The following DEPDC5 variants were observed in gnomAD, a reference collection of about 807,000 sequenced individuals.
DEPDC5 encodes the protein GATOR1 complex protein DEPDC5.
A neutral mutation model predicts 217.3 loss-of-function variants in DEPDC5; 73 were observed. The ratio of observed to expected loss-of-function variants is 0.34; its 90% CI spans 0.28 to 0.41. The LOEUF (loss-of-function observed/expected upper bound fraction) is 0.41, where lower values mean the gene tolerates loss of function less well. DEPDC5 is among the 10% of genes least tolerant of loss of function. The pLI is 1.00. For synonymous variants in DEPDC5, 733 were observed against 756.7 expected (o/e 0.97, Z 0.51); for missense variants, 1,675 against 2,070.1 (o/e 0.81, Z 3.70).
Position 31,843,675 on chromosome 22 carries a change from C to T in DEPDC5, c.2664C>T (p.Tyr888=), listed in dbSNP as rs2091536064. 2 of 1,610,874 alleles carry T rather than the reference C, an allele frequency of 1.2e-6. No homozygotes were observed. The highest frequency in any genetic ancestry group is 1.7e-6 in the Non-Finnish European group (2 of 1,177,420). ...KYPYESAQIH[Y]TYSLCPSHSD... ...CTTATGAATCTGCCCAGATCCACTA[C>T]ACCTACAGCCTCTGTCCTTCCCACT... Residue 888 remains tyrosine (Y), a synonymous_variant, in exon 29 of 43, where the codon TAC becomes TAT. Coordinates refer to ENST00000651528, the MANE Select transcript of DEPDC5 (RefSeq NM_001242896.3).
chr22:31,797,846 A>G, intron 13 of DEPDC5, 143 bp downstream of exon 13: 1 of 670,240 alleles, frequency 1.5e-6, no homozygotes. Context: ...TTCCAGTTGG[A>G]TCCAATTGTA....
intron 24 of DEPDC5, among the ~76,000 whole-genome samples, chr22:31,823,603 A>G (rs2089905184): frequency 2.0e-5 from 3 of 151,510 alleles, no homozygotes; most frequent in Admixed American, 1.3e-4. Flanking sequence ...TTGGTTAGGT[A>G]GACAGTTAGA....
rs1156343285 is a variant in DEPDC5 at position 31,843,759 on chromosome 22, C to T, written c.2748C>T (p.Tyr916=). The change falls in exon 29 of 43, where the codon TAC becomes TAT. Residue 916 remains tyrosine (Y), a synonymous_variant. Transcript: ENST00000651528. Reference sequence around the variant, plus strand: ...TCTCCCACGAACGGCTGGAGGAGTACAAGTGGAATTACTTAGATCAGTATA... The same window carrying T: ...TCTCCCACGAACGGCTGGAGGAGTATAAGTGGAATTACTTAGATCAGTATA... ...VEFSHERLEE[Y]KWNYLDQYIC... 6.2e-7 allele frequency: 1 copy of T among 1,613,982 alleles called. No homozygotes were observed. Among genetic ancestry groups the T allele is most frequent in the Non-Finnish European group, 8.5e-7 (1 of 1,179,922 alleles).
chr22:31,794,522 G>A (rs1367766058), intron 12 of DEPDC5, among the ~76,000 whole-genome samples: 5 of 152,100 alleles, frequency 3.3e-5, no homozygotes, highest in South Asian at 4.2e-4. Context: ...CATCCTCAAC[G>A]TTTTTTAGAT....
At chr22:31,862,302 C>T (rs9621353) in intron 33 of DEPDC5, among the ~76,000 whole-genome samples, 7,990 of 152,128 alleles carry the variant, frequency 0.053, 648 homozygotes, top group African/African-American at 0.18. Context: ...CAGTGGCTCA[C>T]GCCTGTAATC....
intron 15 of DEPDC5, among the ~76,000 whole-genome samples, chr22:31,803,372 G>A (rs954339571): frequency 6.6e-6 from 1 of 151,914 alleles, no homozygotes; most frequent in Non-Finnish European, 1.5e-5. Context: ...CACCATGCCC[G>A]GCTAATTTTT....
chr22:31,808,621 A>G (rs1262248692), intron 18 of DEPDC5, among the ~76,000 whole-genome samples: 2 of 151,722 alleles, frequency 1.3e-5, no homozygotes, highest in African/African-American at 4.8e-5. Flanking sequence ...TTTTTAGTAG[A>G]GACGAGGTTT....
chr22:31,893,508 T>C (rs1933738611), intron 38 of DEPDC5, 74 bp from the exon 39 acceptor site: 1 of 1,386,670 alleles, frequency 7.2e-7, no homozygotes, highest in East Asian at 2.6e-5. Context: ...CATATCTGGA[T>C]ACTTAGTTAT....
Position 31,819,404 on chromosome 22 carries a change from G to A in DEPDC5, c.1870+179G>A, listed in dbSNP as rs532016850. On this transcript the variant is annotated intron_variant, in intron 22 of 42. Transcript: ENST00000651528. ...TAAAGATCCTTGAAGATGCACTTGG[G>A]AATAGGCTTTGTAACTAATTAGCTG... is the stretch of plus-strand genomic sequence containing the variant. Among the ~76,000 whole-genome samples the A allele has an allele frequency of 1.9e-4, 29 of 151,996 alleles. 1 individual carries two copies. Among genetic ancestry groups the A allele is most frequent in the Admixed American group, 1.7e-3 (26 of 15,276 alleles).
intron 27 of DEPDC5, among the ~76,000 whole-genome samples, chr22:31,840,163 C>T (rs16989540): frequency 0.073 from 11,134 of 152,076 alleles, 464 homozygotes; most frequent in Admixed American, 0.11. Flanking sequence ...GCTGTCAGAA[C>T]ATTTAATATG....
Position 31,763,431 on chromosome 22 carries a change from C to CT in DEPDC5, c.194-1532dup, listed in dbSNP as rs897703960. On this transcript the variant is annotated intron_variant, in intron 4 of 42. Coordinates refer to ENST00000651528, the MANE Select transcript of DEPDC5 (RefSeq NM_001242896.3). ...TGAGCCACTGCACCATTGCCCCTGCCTTTTTTTTTTTTCTTTTTCCCTTTC... is the reference window on the plus strand; with the variant it reads ...TGAGCCACTGCACCATTGCCCCTGCCTTTTTTTTTTTTTCTTTTTCCCTTTC... 9.8e-4 allele frequency among the ~76,000 whole-genome samples: 142 copies of CT among 144,936 alleles called. 1 individual carries two copies. The highest frequency in any genetic ancestry group is 1.1e-3 in the Admixed American group (16 of 14,382).
At chr22:31,768,791 C>A in intron 6 of DEPDC5, 23 bp from the exon 7 acceptor site, 1 of 1,584,762 alleles carries the variant, frequency 6.3e-7, no homozygotes, top group Non-Finnish European at 8.7e-7. Flanking sequence ...CCTCTCTCTA[C>A]CCCTCTCTCC....
rs775219684 is a variant in DEPDC5, at chr22:31,876,122, C to T, written c.3697-35C>T. On this transcript the variant is annotated intron_variant, in intron 36 of 42. Transcript: ENST00000651528. Reference sequence around the variant, plus strand: ...AGGGCTGCCCCTTCAAGATGCCTCTCTGCAGGAATTTCAGAGTTTCAATGT... The same window carrying T: ...AGGGCTGCCCCTTCAAGATGCCTCTTTGCAGGAATTTCAGAGTTTCAATGT... 61 of 1,604,176 alleles carry T rather than the reference C, an allele frequency of 3.8e-5. 1 individual carries two copies. In the Admixed American group the frequency reaches 7.8e-4, roughly 21 times the overall value.
chr22:31,813,349 G>A (rs2088660417), intron 20 of DEPDC5, among the ~76,000 whole-genome samples: 2 of 152,188 alleles, frequency 1.3e-5, no homozygotes, highest in Non-Finnish European at 2.9e-5. Context: ...TGGTACCCAG[G>A]TTGTGTGGTC....
At chr22:31,806,678 A>T (rs141355945) in intron 18 of DEPDC5, among the ~76,000 whole-genome samples, 1 of 152,316 alleles carries the variant, frequency 6.6e-6, no homozygotes, top group East Asian at 1.9e-4. Flanking sequence ...GCAAAGGGGA[A>T]ATATGATAAA....
At chr22:31,867,240 A>G (rs888803799) in intron 33 of DEPDC5, among the ~76,000 whole-genome samples, 1 of 152,216 alleles carries the variant, frequency 6.6e-6, no homozygotes, top group Non-Finnish European at 1.5e-5. Context: ...ATGGAAGTAA[A>G]TGCAACCCCT....
At chr22:31,788,226 A>G (rs2085217645) in intron 10 of DEPDC5, among the ~76,000 whole-genome samples, 1 of 150,898 alleles carries the variant, frequency 6.6e-6, no homozygotes, top group Non-Finnish European at 1.5e-5. Flanking sequence ...ACCTAATACC[A>G]CAATGAAATG....
Position 31,810,550 on chromosome 22 carries a change from G to A in DEPDC5, c.1354G>A (p.Ala452Thr), listed in dbSNP as rs768264302. Reference protein sequence around the residue: ...SLGSPKESENALPIQVDYDAY... With the variant: ...SLGSPKESENTLPIQVDYDAY... ...CGGGAGTCCAAAAGAATCTGAGAAC[G>A]CCCTTCCCATCCAAGTAGATTATGA... is the stretch of plus-strand genomic sequence containing the variant. The change falls in exon 20 of 43, where the codon GCC becomes ACC. Residue 452 changes from alanine to threonine, a missense_variant. By Grantham distance (58) the Ala-to-Thr change is moderately conservative (BLOSUM62 0). This residue lies in a region of DEPDC5 where 628 missense variants were observed against 762.1 expected (regional missense o/e 0.82). Coordinates refer to ENST00000651528, the MANE Select transcript of DEPDC5 (RefSeq NM_001242896.3). The A allele has an allele frequency of 4.2e-5, 68 of 1,613,930 alleles. No individual in the cohort carries two copies. Among genetic ancestry groups the A allele is most frequent in the Non-Finnish European group, 5.3e-5 (63 of 1,180,030 alleles).
chr22:31,886,993 G>C (rs1175319797), intron 38 of DEPDC5, among the ~76,000 whole-genome samples: 1 of 151,746 alleles, frequency 6.6e-6, no homozygotes, highest in African/African-American at 2.4e-5. Context: ...TGAAGCAGGA[G>C]AATTGCTTGA....
Sources: allele counts gnomAD v4.1 joint callset (sites outside exome capture counted in the v4.1 genomes callset), GRCh38; gene constraint gnomAD v4.1.1; regional missense constraint gnomAD v4.1.1; transcripts MANE v1.5; gene names NCBI Gene and HGNC (gene_info 2026-07-23, HGNC 2026-07-21).